Variants in EPC1 observed in about 807,000 individuals in gnomAD.
EPC1 encodes enhancer of polycomb homolog 1.
A neutral mutation model predicts 98.4 loss-of-function variants in EPC1; 12 were observed. The ratio of observed to expected loss-of-function variants is 0.12; its 90% CI spans 0.08 to 0.20. EPC1 has a LOEUF of 0.20. Among genes scored for constraint, EPC1 ranks in the 10% least tolerant of loss-of-function variants. EPC1 has a pLI of 1.00. For missense variants in EPC1, 729 were observed against 990.5 expected (o/e 0.74, Z 3.54); for synonymous variants, 357 against 363.9 (o/e 0.98, Z 0.21).
intron 1 of EPC1, among the ~76,000 whole-genome samples, chr10:32,343,003 A>G (rs746721429): frequency 1.1e-4 from 17 of 152,228 alleles, no homozygotes; most frequent in Non-Finnish European, 1.9e-4. Context: ...AGATAATTAA[A>G]TTATAATCTT....
upstream of EPC1, among the ~76,000 whole-genome samples, chr10:32,349,008 C>A (rs551299020): frequency 6.6e-6 from 1 of 152,206 alleles, no homozygotes; most frequent in Admixed American, 6.5e-5. Context: ...ACGGTAGCGA[C>A]GTATCCACAA....
chr10:32,362,234 T>C (rs1020181180), intron 1 of EPC1, among the ~76,000 whole-genome samples: 6 of 152,126 alleles, frequency 3.9e-5, no homozygotes, highest in African/African-American at 1.4e-4. Context: ...TGGGGACCCC[T>C]TTCTGGTAAC....
intron 1 of EPC1, among the ~76,000 whole-genome samples, chr10:32,359,638 C>G (rs992063637): frequency 2.0e-5 from 3 of 152,090 alleles, no homozygotes; most frequent in Non-Finnish European, 4.4e-5. Context: ...TAGTTTTACC[C>G]TATTTTTTTG....
chr10:32,297,923 G>A (rs1312421127), intron 2 of EPC1, among the ~76,000 whole-genome samples: 4 of 151,848 alleles, frequency 2.6e-5, no homozygotes, highest in East Asian at 3.9e-4. Flanking sequence ...TCGGCCTCCC[G>A]AGTAGCTGGG....
chr10:32,303,652 G>T (rs1236300181), intron 2 of EPC1, among the ~76,000 whole-genome samples: 1 of 152,220 alleles, frequency 6.6e-6, no homozygotes, highest in Non-Finnish European at 1.5e-5. Context: ...GAGAGGCAGG[G>T]ATATGGTTAT....
intron 3 of EPC1, 22 bp from the exon 4 acceptor site, chr10:32,293,216 C>T (rs750843175): frequency 1.9e-6 from 3 of 1,542,578 alleles, no homozygotes; most frequent in South Asian, 1.1e-5. Flanking sequence ...ACCATTATGT[C>T]ATTTTCATAC....
At chr10:32,374,962 C>T (rs1839841860) in intron 1 of EPC1, among the ~76,000 whole-genome samples, 2 of 152,176 alleles carry the variant, frequency 1.3e-5, no homozygotes, top group South Asian at 4.1e-4. Context: ...TAAAATTATA[C>T]ATCTGCTTTA....
chr10:32,361,204 A>G (rs1399149979), intron 1 of EPC1, among the ~76,000 whole-genome samples: 10 of 152,226 alleles, frequency 6.6e-5, no homozygotes, highest in Admixed American at 6.5e-4. Context: ...CTGGAGTCAA[A>G]CATGATGTGG....
chr10:32,340,278 C>T (rs144924018), intron 1 of EPC1, among the ~76,000 whole-genome samples: 299 of 152,294 alleles, frequency 2.0e-3, no homozygotes, highest in Middle Eastern at 3.4e-3. Flanking sequence ...CAAAGCTACA[C>T]CTCAGATAAC....
In EPC1 at chr10:32,284,777, T is replaced by C; in HGVS notation, c.1665A>G (p.Arg555=). The change falls in exon 10 of 14, where the codon CGA becomes CGG. Residue 555 remains arginine (R), a synonymous_variant. Coordinates refer to ENST00000319778, the MANE Select transcript of EPC1 (RefSeq NM_001272004.3). The part of the protein sequence containing the change: ...SCRKLYRSIN[R]TGTAQPGTQT... ...GGGTCCCAGGTTGTGCTGTTCCTGT[T>C]CGGTTTATACTCCTATATAATTTTC... The C allele has an allele frequency of 6.2e-7, 1 of 1,614,230 alleles. No homozygotes were observed. The highest frequency in any genetic ancestry group is 8.5e-7 in the Non-Finnish European group (1 of 1,180,044).
At chr10:32,359,762 A>T (rs1839385111) in intron 1 of EPC1, among the ~76,000 whole-genome samples, 1 of 152,248 alleles carries the variant, frequency 6.6e-6, no homozygotes, top group Admixed American at 6.5e-5. Flanking sequence ...AGAAATTCTC[A>T]CACGAAGCCA....
chr10:32,302,062 A>G (rs560542351), intron 2 of EPC1, among the ~76,000 whole-genome samples: 4 of 150,530 alleles, frequency 2.7e-5, no homozygotes, highest in Non-Finnish European at 4.4e-5. Flanking sequence ...TCACGAGGTC[A>G]GGAGATCGAG....
chr10:32,304,050 A>G (rs1387529233), intron 2 of EPC1, among the ~76,000 whole-genome samples: 3 of 152,144 alleles, frequency 2.0e-5, no homozygotes, highest in Non-Finnish European at 4.4e-5. Context: ...ACAATAAAAA[A>G]TTTTCTCCCA....
intron 9 of EPC1, chr10:32,286,488 T>C: frequency 3.5e-6 from 2 of 566,832 alleles, no homozygotes; most frequent in East Asian, 2.9e-5. Flanking sequence ...GCAGGTCCAC[T>C]AGGGACCCAA....
At chr10:32,353,862 T>A (rs1161423968) in intron 1 of EPC1, among the ~76,000 whole-genome samples, 1 of 152,220 alleles carries the variant, frequency 6.6e-6, no homozygotes, top group Admixed American at 6.5e-5. Flanking sequence ...TGCTTTTTAC[T>A]TTCATAATAA....
At chr10:32,311,914 T>TA (rs1225875746) in intron 1 of EPC1, among the ~76,000 whole-genome samples, 1 of 152,236 alleles carries the variant, frequency 6.6e-6, no homozygotes, top group Non-Finnish European at 1.5e-5. Flanking sequence ...GATGTAGTGT[T>TA]AGACTACTAC....
intron 10 of EPC1, chr10:32,282,779 T>C (rs902381586): frequency 6.6e-6 from 1 of 152,202 alleles, no homozygotes; most frequent in African/African-American, 2.4e-5. Flanking sequence ...TCAACTTCTC[T>C]ATTTAAGGGG....
At chr10:32,357,571 C>T (rs11592205) in intron 1 of EPC1, among the ~76,000 whole-genome samples, 17,437 of 152,220 alleles carry the variant, frequency 0.11, 1,347 homozygotes, top group South Asian at 0.25. Flanking sequence ...AGTGATCCTT[C>T]TGCCTCAGCC....
intron 1 of EPC1, among the ~76,000 whole-genome samples, chr10:32,352,469 A>G (rs1839143668): frequency 6.6e-6 from 1 of 152,208 alleles, no homozygotes; most frequent in Admixed American, 6.5e-5. Flanking sequence ...ACTTAGAATC[A>G]TCCCTGGCCC....
Sources: allele counts gnomAD v4.1 joint callset (sites outside exome capture counted in the v4.1 genomes callset), GRCh38; gene constraint gnomAD v4.1.1; transcripts MANE v1.5; gene names NCBI Gene and HGNC (gene_info 2026-07-23, HGNC 2026-07-21).